SCARA3: variants seen among roughly 807,000 people sequenced by gnomAD.
The protein encoded by SCARA3 is scavenger receptor class A member 3.
Under a neutral mutation model 47.0 loss-of-function variants are expected in SCARA3, and 39 were observed. The observed-to-expected ratio is 0.83, with a 90% confidence interval of 0.64 to 1.08. The LOEUF (loss-of-function observed/expected upper bound fraction) is 1.08. Ranked by LOEUF, SCARA3 falls within the 50% of genes least tolerant of loss-of-function variation. The pLI is 0.00. For missense variants in SCARA3, 724 were observed against 792.3 expected (o/e 0.91, Z 1.04); for synonymous variants, 356 against 334.1 (o/e 1.07, Z -0.71).
chr8:27,706,183 GCT>G, the SCARA3 span, among the ~76,000 whole-genome samples: 92 of 152,266 alleles, frequency 6.0e-4, no homozygotes, highest in Middle Eastern at 6.8e-3. Context: ...ACAGAGTCTT[GCT>G]CTGTCACCAA....
rs553853391 is a variant in SCARA3 at position 27,671,629 on chromosome 8, G to A, written c.*278G>A. 4.3e-6 allele frequency: 5 copies of A among 1,156,028 alleles called. No individual in the cohort carries two copies. The South Asian group carries it at 2.2e-4, about 50-fold the overall frequency. 71.6% of individuals were successfully genotyped at this position (1,156,028 alleles called of 1,614,324 possible). On this transcript the variant is annotated 3_prime_UTR_variant, in exon 6 of 6. Transcript: ENST00000301904. Reference sequence around the variant, plus strand: ...ATACACATGCATGCACACATACACAGGCATACATGCATGCACACACACATG... The same window carrying A: ...ATACACATGCATGCACACATACACAAGCATACATGCATGCACACACACATG...
In SCARA3 at chr8:27,659,519, G is replaced by A. The variant is rs141443674; in HGVS notation, c.1349G>A (p.Arg450His). The change falls in exon 5 of 6, where the codon CGC (arginine) becomes CAC (histidine). Residue 450 changes from arginine to histidine, a missense_variant. Physicochemically the swap from Arg to His is conservative, Grantham distance 29. Coordinates refer to ENST00000301904, the MANE Select transcript of SCARA3 (RefSeq NM_016240.3). ...GACACACAGCATGGAGAAATCCTTC[G>A]CAATGTCACCATCCTACGAGGTAAG... is the stretch of plus-strand genomic sequence containing the variant. The part of the protein sequence containing the change: ...AVDTQHGEIL[R>H]NVTILRGAPG... 165 of 1,609,674 alleles carry A rather than the reference G, an allele frequency of 1.0e-4. No individual in the cohort carries two copies. The African/African-American group carries it at 1.5e-3, about 15-fold the overall frequency.
the SCARA3 span, among the ~76,000 whole-genome samples, chr8:27,699,540 G>C: frequency 6.6e-6 from 1 of 152,068 alleles, no homozygotes; most frequent in Non-Finnish European, 1.5e-5. Flanking sequence ...TGACAAAACT[G>C]ATTCTAAAAA....
At chr8:27,680,921 A>G (rs755285577), downstream of SCARA3, among the ~76,000 whole-genome samples, 1 of 152,234 alleles carries the variant, frequency 6.6e-6, no homozygotes, top group Non-Finnish European at 1.5e-5. Context: ...ATAACTGCAG[A>G]AAAAATAATT....
intron 1 of SCARA3, among the ~76,000 whole-genome samples, chr8:27,642,758 A>G (rs1801409427): frequency 6.6e-6 from 1 of 152,218 alleles, no homozygotes; most frequent in Non-Finnish European, 1.5e-5. Context: ...CGGGAGGTCT[A>G]GGCGGCACTG....
the SCARA3 span, among the ~76,000 whole-genome samples, chr8:27,689,574 A>G: frequency 6.6e-6 from 1 of 152,134 alleles, no homozygotes; most frequent in Non-Finnish European, 1.5e-5. Flanking sequence ...CGAAGACACA[A>G]GTGCTGTTGT....
intron 1 of SCARA3, among the ~76,000 whole-genome samples, chr8:27,644,511 G>A (rs1801450435): frequency 6.6e-6 from 1 of 152,014 alleles, no homozygotes; most frequent in Admixed American, 6.6e-5. Flanking sequence ...TTTTCCCATA[G>A]GTTTTTAGGT....
At chr8:27,700,996 C>G in the SCARA3 span, among the ~76,000 whole-genome samples, 1 of 152,004 alleles carries the variant, frequency 6.6e-6, no homozygotes, top group Non-Finnish European at 1.5e-5. Context: ...TTCACAACAG[C>G]ATTGTCCAGA....
intron 1 of SCARA3, among the ~76,000 whole-genome samples, chr8:27,645,414 C>G (rs1469418310): frequency 2.0e-5 from 3 of 152,282 alleles, no homozygotes; most frequent in Non-Finnish European, 2.9e-5. Context: ...ATGTAGCAAA[C>G]TGCTAGGAGC....
chr8:27,730,759 G>T, the SCARA3 span, among the ~76,000 whole-genome samples: 2 of 151,794 alleles, frequency 1.3e-5, no homozygotes, highest in Non-Finnish European at 2.9e-5. Flanking sequence ...CAAAGTGCTG[G>T]GATTACAGGC....
At chr8:27,670,478 C>T (rs568610) in intron 5 of SCARA3, among the ~76,000 whole-genome samples, 31,154 of 152,132 alleles carry the variant, frequency 0.2, 3,545 homozygotes, top group Middle Eastern at 0.35. Flanking sequence ...TCATGCCCCA[C>T]TTTCTTAGTT....
In SCARA3 at chr8:27,651,563, G is replaced by T. The variant is rs371890046; in HGVS notation, c.162G>T (p.Ser54=). The T allele has an allele frequency of 1.2e-6, 2 of 1,613,940 alleles. No homozygotes were observed. Among genetic ancestry groups the T allele is most frequent in the Non-Finnish European group, 1.7e-6 (2 of 1,180,022 alleles). The change falls in exon 3 of 6, where the codon TCG becomes TCT. Residue 54 remains serine (S), a synonymous_variant. Transcript: ENST00000301904. ...AGAAGAACCTATCTTTGCACACATC[G>T]GTGCGGATTCTTTACCTCTTCCTGG... ...RCQKNLSLHT[S]VRILYLFLAL... is the part of the protein sequence containing the mutation.
At chr8:27,727,113 T>G in the SCARA3 span, among the ~76,000 whole-genome samples, 1 of 152,232 alleles carries the variant, frequency 6.6e-6, no homozygotes, top group East Asian at 1.9e-4. Context: ...GCCCTCCCTA[T>G]GTTGCCCAGG....
the SCARA3 span, among the ~76,000 whole-genome samples, chr8:27,713,599 T>C: frequency 1.3e-5 from 2 of 152,158 alleles, no homozygotes; most frequent in Non-Finnish European, 2.9e-5. Context: ...GATGCTCAGA[T>C]TATCTCAGAT....
In SCARA3 at chr8:27,672,340, T is replaced by C. The variant is rs1489182070; in HGVS notation, c.*989T>C. ...GGGGCACTCTGCAGGCCCTGGAACA[T>C]TGGGCCTGAGTGGAGATGGGAGACA... On this transcript the variant is annotated 3_prime_UTR_variant, in exon 6 of 6. Transcript: ENST00000301904. 1 of 985,458 alleles carries C rather than the reference T, an allele frequency of 1.0e-6. No homozygotes were observed. Among genetic ancestry groups the C allele is most frequent in the Non-Finnish European group, 1.2e-6 (1 of 829,958 alleles). The allele number at this position is 985,458 out of a possible 1,614,324, so 61.0% of individuals were successfully genotyped here. A position where few individuals can be genotyped will look rare whatever the true frequency, so the allele number is the denominator to read the frequency against.
chr8:27,669,137 G>A (rs1265826394), intron 5 of SCARA3, among the ~76,000 whole-genome samples: 5 of 152,168 alleles, frequency 3.3e-5, no homozygotes, highest in South Asian at 2.1e-4. Context: ...AGGAGGAGTC[G>A]GGACAGAAGG....
chr8:27,719,088 C>T, the SCARA3 span, among the ~76,000 whole-genome samples: 2 of 152,044 alleles, frequency 1.3e-5, no homozygotes, highest in Non-Finnish European at 2.9e-5. Context: ...GAGGTTTTGA[C>T]AAAAGAGAAA....
At chr8:27,684,814 T>C in the SCARA3 span, among the ~76,000 whole-genome samples, 1 of 151,796 alleles carries the variant, frequency 6.6e-6, no homozygotes, top group Non-Finnish European at 1.5e-5. Context: ...CTGCTTAAGC[T>C]CAGGAATTTG....
intron 4 of SCARA3, 99 bp downstream of exon 4, chr8:27,656,979 C>T: frequency 1.3e-6 from 1 of 774,926 alleles, no homozygotes; most frequent in Non-Finnish European, 2.3e-6. Flanking sequence ...CAACCTTCAC[C>T]AGCCTTCTAG....
Sources: gnomAD v4.1 joint callset for allele counts (sites outside exome capture counted in the v4.1 genomes callset) on GRCh38, gnomAD v4.1.1 for gene constraint, MANE v1.5 for transcripts, NCBI Gene and HGNC (gene_info 2026-07-23, HGNC 2026-07-21) for gene names.